ERC2: variants seen among roughly 807,000 people sequenced by gnomAD.
The protein encoded by ERC2 is ELKS/RAB6-interacting/CAST family member 2.
A neutral mutation model predicts 114.8 loss-of-function variants in ERC2; 42 were observed. The observed-to-expected ratio is 0.37, with a 90% CI of 0.29 to 0.47. The LOEUF (loss-of-function observed/expected upper bound fraction) is 0.47, where lower values mean the gene tolerates loss of function less well. ERC2 is among the 20% of genes least tolerant of loss of function. The probability of loss-of-function intolerance (pLI) is 0.99; values close to 1 mark genes in which losing one functional copy is unlikely to be tolerated. For missense variants in ERC2, 939 were observed against 1,150.7 expected, an observed-to-expected ratio of 0.82 and a Z score of 2.66; for synonymous variants, 454 against 425.5, an observed-to-expected ratio of 1.07 and a Z score of -0.82.
intron 17 of ERC2, among the ~76,000 whole-genome samples, chr3:55,641,191 C>T (rs1348143968): frequency 6.6e-6 from 1 of 152,256 alleles, no homozygotes; most frequent in Middle Eastern, 3.4e-3. Flanking sequence ...AGACCCAATG[C>T]CATTGTTTTT....
At chr3:56,073,087 C>T (rs760043594) in intron 7 of ERC2, among the ~76,000 whole-genome samples, 1 of 152,116 alleles carries the variant, frequency 6.6e-6, no homozygotes, top group Non-Finnish European at 1.5e-5. Context: ...CAAACATACA[C>T]GAGAAATTCA....
intron 2 of ERC2, among the ~76,000 whole-genome samples, chr3:56,392,073 T>C (rs2060148419): frequency 6.6e-6 from 1 of 152,204 alleles, no homozygotes; most frequent in African/African-American, 2.4e-5. Flanking sequence ...ATAGCAAAGA[T>C]GCTATCCTTT....
chr3:55,680,961 A>G (rs1052565468), intron 17 of ERC2, among the ~76,000 whole-genome samples: 8 of 152,196 alleles, frequency 5.3e-5, no homozygotes, highest in African/African-American at 1.9e-4. Flanking sequence ...ATTTCAAGAC[A>G]GTGACAGCAG....
chr3:55,987,357 C>T (rs1390559279), intron 11 of ERC2, among the ~76,000 whole-genome samples: 1 of 152,190 alleles, frequency 6.6e-6, no homozygotes, highest in South Asian at 2.1e-4. Flanking sequence ...AGCAAGCACA[C>T]ATTTCAGATG....
chr3:55,905,869 G>A (rs1268415680), intron 13 of ERC2, among the ~76,000 whole-genome samples: 1 of 152,060 alleles, frequency 6.6e-6, no homozygotes, highest in Non-Finnish European at 1.5e-5. Flanking sequence ...CCTCCCAAAG[G>A]CCCTTCTGAG....
chr3:55,786,128 A>C (rs1216014636), intron 14 of ERC2, among the ~76,000 whole-genome samples: 1 of 152,240 alleles, frequency 6.6e-6, no homozygotes. Flanking sequence ...ATATGCCAGC[A>C]TACAGTAGAA....
At chr3:56,263,288 T>C (rs2053066520) in intron 3 of ERC2, among the ~76,000 whole-genome samples, 3 of 148,760 alleles carry the variant, frequency 2.0e-5, no homozygotes, top group African/African-American at 7.5e-5. Context: ...TCAGCAACTG[T>C]CCATGAAAAA....
At chr3:55,815,789 A>G (rs908189927) in intron 14 of ERC2, among the ~76,000 whole-genome samples, 1 of 152,202 alleles carries the variant, frequency 6.6e-6, no homozygotes, top group Non-Finnish European at 1.5e-5. Context: ...TTCAATTGGA[A>G]AGTTGACAGC....
chr3:56,241,314 CA>C (rs2051306293), intron 3 of ERC2, among the ~76,000 whole-genome samples: 1 of 152,090 alleles, frequency 6.6e-6, no homozygotes, highest in Non-Finnish European at 1.5e-5. Context: ...CACTAATTAT[CA>C]GAGAAATGCA....
At chr3:56,398,695 A>G (rs2060407904) in intron 2 of ERC2, among the ~76,000 whole-genome samples, 1 of 152,218 alleles carries the variant, frequency 6.6e-6, no homozygotes, top group East Asian at 1.9e-4. Context: ...CGGTATGATC[A>G]TAGTTCACTG....
chr3:56,266,680 G>A (rs1365793581), intron 3 of ERC2, among the ~76,000 whole-genome samples: 2 of 152,136 alleles, frequency 1.3e-5, no homozygotes, highest in South Asian at 4.1e-4. Flanking sequence ...AGGACCACTT[G>A]AGCCCAGTAA....
intron 17 of ERC2, among the ~76,000 whole-genome samples, chr3:55,597,487 C>G (rs1414927022): frequency 1.3e-5 from 2 of 152,000 alleles, no homozygotes; most frequent in Non-Finnish European, 2.9e-5. Context: ...TCCACCCAGC[C>G]TAGAAAATAG....
intron 17 of ERC2, among the ~76,000 whole-genome samples, chr3:55,622,791 G>A (rs1470940948): frequency 2.0e-5 from 3 of 151,960 alleles, no homozygotes; most frequent in Non-Finnish European, 1.5e-5. Flanking sequence ...ATTACTGGAA[G>A]AGTGAGTGCT....
At chr3:55,689,576 G>A (rs907841150) in intron 16 of ERC2, among the ~76,000 whole-genome samples, 1 of 152,124 alleles carries the variant, frequency 6.6e-6, no homozygotes, top group African/African-American at 2.4e-5. Flanking sequence ...GTTAAACAAA[G>A]TGAAAATTGT....
At chr3:56,441,627 C>T (rs1248500648) in intron 1 of ERC2, among the ~76,000 whole-genome samples, 1 of 152,182 alleles carries the variant, frequency 6.6e-6, no homozygotes, top group African/African-American at 2.4e-5. Context: ...GTTGTTGAGA[C>T]AGACTGTTGC....
Position 55,621,734 on chromosome 3 carries a change from A to C in ERC2, c.*39+62060T>G, listed in dbSNP as rs530514158. Among the ~76,000 whole-genome samples the C allele has an allele frequency of 2.6e-5, 4 of 152,330 alleles. 1 individual carries two copies. The highest frequency in any genetic ancestry group is 2.1e-4 in the South Asian group (1 of 4,830). ...AGATTCCTTGGGAAAAAGAATTCCT[A>C]GTCTGGGCCTTAGAAAATGCCAGGA... On this transcript the variant is annotated intron_variant, in intron 17 of 17. Transcript: ENST00000288221.
intron 17 of ERC2, among the ~76,000 whole-genome samples, chr3:55,552,601 G>A (rs1037588484): frequency 1.2e-4 from 18 of 151,164 alleles, no homozygotes; most frequent in East Asian, 5.8e-4. Context: ...TAAAACAGCC[G>A]GGTGTAACTA....
In ERC2 at chr3:56,018,745, G is replaced by C. The variant is rs1001999751; in HGVS notation, c.1779+149C>G. ...GTAGTATGCCAAGTCCACTGAAGAG[G>C]GCTTGTGTGGGAAGAACAAGGACCA... On this transcript the variant is annotated intron_variant, in intron 8 of 17. Transcript: ENST00000288221. The C allele has an allele frequency of 1.7e-5, 13 of 782,966 alleles. No homozygotes were observed. The African/African-American group carries it at 2.3e-4, about 14-fold the overall frequency. 48.5% of individuals were successfully genotyped at this position (782,966 alleles called of 1,614,324 possible). A position where few individuals can be genotyped will look rare whatever the true frequency, so the allele number is the denominator to read the frequency against.
At chr3:56,180,819 A>G (rs989135355) in intron 3 of ERC2, among the ~76,000 whole-genome samples, 3 of 152,236 alleles carry the variant, frequency 2.0e-5, no homozygotes, top group African/African-American at 7.2e-5. Context: ...TTTTACCACA[A>G]TTAAAAGTTT....
Sources: allele counts gnomAD v4.1 joint callset (sites outside exome capture counted in the v4.1 genomes callset), GRCh38; gene constraint gnomAD v4.1.1; transcripts MANE v1.5; gene names NCBI Gene and HGNC (gene_info 2026-07-23, HGNC 2026-07-21).